The following FAM13A variants were observed in gnomAD, a reference collection of about 807,000 sequenced individuals.
The protein encoded by FAM13A is protein FAM13A.
A neutral mutation model predicts 129.6 loss-of-function variants in FAM13A; 76 were observed. The observed-to-expected ratio is 0.59, with a 90% confidence interval of 0.49 to 0.71. The LOEUF (loss-of-function observed/expected upper bound fraction) is 0.71. Ranked by LOEUF, FAM13A falls within the 30% of genes least tolerant of loss-of-function variation. FAM13A has a pLI of 0.00. For missense variants in FAM13A, 1,108 were observed against 1,249.3 expected (o/e 0.89, Z 1.70); for synonymous variants, 443 against 449.9 (o/e 0.98, Z 0.20).
intron 7 of FAM13A, among the ~76,000 whole-genome samples, chr4:88,839,837 G>A (rs1735513564): frequency 6.6e-6 from 1 of 152,210 alleles, no homozygotes; most frequent in African/African-American, 2.4e-5. Flanking sequence ...CCTGGGGGGT[G>A]GAGGATGGGG....
rs762736887 is a variant in FAM13A at position 88,991,098 on chromosome 4, C to A, written c.480G>T (p.Leu160=). The change falls in exon 4 of 24, where the codon CTG becomes CTT. Residue 160 remains leucine, a synonymous_variant. Coordinates refer to ENST00000264344, the MANE Select transcript of FAM13A (RefSeq NM_014883.4). ...TGAGGAGGCAGTAGTGGGTGTCTGG[C>A]AGCTCTTTTATTAAGTCTCTTAAGC... is the stretch of plus-strand genomic sequence containing the variant. The part of the protein sequence containing the change: ...ESSLRDLIKE[L]PDTHYCLLKY... The A allele has an allele frequency of 1.9e-6, 3 of 1,613,802 alleles. No homozygotes were observed. The highest frequency in any genetic ancestry group is 1.7e-5 in the Admixed American group (1 of 60,008).
chr4:88,940,729 T>C (rs1754613879), intron 4 of FAM13A, among the ~76,000 whole-genome samples: 1 of 152,164 alleles, frequency 6.6e-6, no homozygotes. Flanking sequence ...AGGGTGTGCC[T>C]CACAGATCCT....
At chr4:88,875,091 T>A (rs990643679) in intron 6 of FAM13A, among the ~76,000 whole-genome samples, 5 of 152,184 alleles carry the variant, frequency 3.3e-5, no homozygotes, top group African/African-American at 1.2e-4. Context: ...TAGCCATATG[T>A]AGAAAGCTGA....
chr4:88,960,917 A>T (rs1204057588), intron 4 of FAM13A, among the ~76,000 whole-genome samples: 3 of 152,204 alleles, frequency 2.0e-5, no homozygotes, highest in Admixed American at 6.5e-5. Context: ...AAGAAACTTT[A>T]AAAAAATTAT....
Position 89,025,949 on chromosome 4 carries a change from T to G in FAM13A, c.217+3511A>C, listed in dbSNP as rs147206230. ...CTCTCCTATATTTTTAACCACATAATTTTATTAACAATTCAAAAAATATTA... is the reference window on the plus strand; with the variant it reads ...CTCTCCTATATTTTTAACCACATAAGTTTATTAACAATTCAAAAAATATTA... On this transcript the variant is annotated intron_variant, in intron 2 of 23. Transcript: ENST00000264344. Among the ~76,000 whole-genome samples, 872 of 152,278 alleles carry G rather than the reference T, an allele frequency of 5.7e-3. 6 individuals carry two copies. The highest frequency in any genetic ancestry group is 0.018 in the African/African-American group (759 of 41,566).
At chr4:88,872,197 A>G (rs1741538243) in intron 6 of FAM13A, among the ~76,000 whole-genome samples, 2 of 152,260 alleles carry the variant, frequency 1.3e-5, no homozygotes, top group South Asian at 4.1e-4. Context: ...AAATATGACG[A>G]ATTGTAAACA....
At chr4:88,773,959 A>G (rs1377757049) in intron 11 of FAM13A, among the ~76,000 whole-genome samples, 1 of 152,152 alleles carries the variant, frequency 6.6e-6, no homozygotes, top group Non-Finnish European at 1.5e-5. Flanking sequence ...GGTAACTGCT[A>G]AAGTCCTAAA....
intron 6 of FAM13A, among the ~76,000 whole-genome samples, chr4:88,894,129 T>C (rs1326827460): frequency 6.6e-6 from 1 of 152,232 alleles, no homozygotes; most frequent in Non-Finnish European, 1.5e-5. Context: ...GATGTTAGCA[T>C]GTAAATTGAT....
chr4:88,999,272 G>T (rs1000229241), intron 3 of FAM13A, among the ~76,000 whole-genome samples: 1 of 152,134 alleles, frequency 6.6e-6, no homozygotes, highest in South Asian at 2.1e-4. Flanking sequence ...ATGCTTGTCA[G>T]TCGGGACAGG....
intron 1 of FAM13A, among the ~76,000 whole-genome samples, chr4:89,056,241 TG>T (rs1772182312): frequency 6.6e-6 from 1 of 152,176 alleles, no homozygotes; most frequent in Non-Finnish European, 1.5e-5. Context: ...ATTATATAAT[TG>T]ACAATTTTTG....
At chr4:88,948,295 T>C (rs1489879866) in intron 4 of FAM13A, among the ~76,000 whole-genome samples, 1 of 152,194 alleles carries the variant, frequency 6.6e-6, no homozygotes, top group East Asian at 1.9e-4. Flanking sequence ...GTTTCTTCTA[T>C]TGTAAAATAG....
chr4:88,747,343 G>A (rs1741570342), intron 18 of FAM13A, among the ~76,000 whole-genome samples: 1 of 152,130 alleles, frequency 6.6e-6, no homozygotes, highest in African/African-American at 2.4e-5. Flanking sequence ...TGGTCCCAAA[G>A]GTTTGTCTCT....
intron 7 of FAM13A, among the ~76,000 whole-genome samples, chr4:88,826,312 T>TAAA (rs35488589): frequency 7.2e-6 from 1 of 138,930 alleles, no homozygotes. Context: ...CACGTAGGAT[T>TAAA]AAAAAAAAAA....
chr4:88,992,332 T>C (rs1451252591), intron 3 of FAM13A, among the ~76,000 whole-genome samples: 1 of 151,662 alleles, frequency 6.6e-6, no homozygotes, highest in Admixed American at 6.6e-5. Flanking sequence ...CATGGCACAA[T>C]CTCAGCTCAC....
At chr4:88,855,921 G>A (rs1738410059) in intron 6 of FAM13A, 1 of 152,192 alleles carries the variant, frequency 6.6e-6, no homozygotes, top group African/African-American at 2.4e-5. Flanking sequence ...TGGACATGAA[G>A]CAGGAGGGAT....
At chr4:88,946,891 T>C (rs1333925605) in intron 4 of FAM13A, among the ~76,000 whole-genome samples, 1 of 152,058 alleles carries the variant, frequency 6.6e-6, no homozygotes, top group South Asian at 2.1e-4. Context: ...TCAGCTGGAA[T>C]GACAAAAACT....
At chr4:88,743,407 A>G (rs1257260997) in intron 19 of FAM13A, among the ~76,000 whole-genome samples, 1 of 152,242 alleles carries the variant, frequency 6.6e-6, no homozygotes, top group East Asian at 1.9e-4. Context: ...CAAAGGTGAA[A>G]GGTAAAATGA....
chr4:88,845,447 C>T (rs879395209), intron 7 of FAM13A, among the ~76,000 whole-genome samples: 1 of 151,936 alleles, frequency 6.6e-6, no homozygotes, highest in Non-Finnish European at 1.5e-5. Flanking sequence ...AGCAGACAGA[C>T]AGAGCAGACA....
At chr4:88,843,531 C>G (rs953479907) in intron 7 of FAM13A, among the ~76,000 whole-genome samples, 1 of 152,178 alleles carries the variant, frequency 6.6e-6, no homozygotes, top group Non-Finnish European at 1.5e-5. Context: ...GAAGTGCAAA[C>G]ACAGGATAGT....
Sources: allele counts gnomAD v4.1 joint callset (sites outside exome capture counted in the v4.1 genomes callset), GRCh38; gene constraint gnomAD v4.1.1; transcripts MANE v1.5; gene names NCBI Gene and HGNC (gene_info 2026-07-23, HGNC 2026-07-21).